ERCC6: variants seen among roughly 807,000 people sequenced by gnomAD.
ERCC6 encodes the protein ERCC excision repair 6, chromatin remodeling factor.
In ERCC6, 116 loss-of-function variants were observed where a neutral mutation model predicts 158.7. The ratio of observed to expected loss-of-function variants is 0.73; its 90% CI spans 0.63 to 0.85. The LOEUF (loss-of-function observed/expected upper bound fraction) is 0.85. Ranked by LOEUF, ERCC6 falls within the 40% of genes least tolerant of loss-of-function variation. The probability of loss-of-function intolerance (pLI) is 0.00; values close to 1 mark genes in which losing one functional copy is unlikely to be tolerated. For synonymous variants in ERCC6, 678 were observed against 659.3 expected (o/e 1.03, Z -0.43); for missense variants, 1,698 against 1,799.4 (o/e 0.94, Z 1.02).
intron 6 of ERCC6, chr10:49,505,642 G>C (rs1851430112): frequency 2.1e-6 from 1 of 482,490 alleles, no homozygotes; most frequent in African/African-American, 2.0e-5. Flanking sequence ...AGTCTGCTGA[G>C]GCAGGTCCAT....
At chr10:49,499,571 G>A (rs186853896) in intron 7 of ERCC6, among the ~76,000 whole-genome samples, 13 of 152,264 alleles carry the variant, frequency 8.5e-5, no homozygotes, top group African/African-American at 3.1e-4. Flanking sequence ...CACCCCTCTA[G>A]CAACTACCTT....
rs1233450547 is a variant in ERCC6 at position 49,483,410 on chromosome 10, A to G, written c.1928T>C (p.Val643Ala). 1 of 1,614,192 alleles carries G rather than the reference A, an allele frequency of 6.2e-7. No individual in the cohort carries two copies. Among genetic ancestry groups the G allele is most frequent in the Non-Finnish European group, 8.5e-7 (1 of 1,179,996 alleles). ...DDISRYDWHY[V>A]ILDEGHKIRN... Reference sequence around the variant, plus strand: ...AATTTTGTGTCCTTCGTCCAAGATCACATAGTGCCAGTCATACCTGCTAAT... The same window carrying G: ...AATTTTGTGTCCTTCGTCCAAGATCGCATAGTGCCAGTCATACCTGCTAAT... Residue 643 changes from valine (V) to alanine (A), a missense_variant, in exon 9 of 21, where the codon GTG becomes GCG. Coordinates refer to ENST00000355832, the MANE Select transcript of ERCC6 (RefSeq NM_000124.4).
chr10:49,476,492 C>G (rs899101810), intron 11 of ERCC6, among the ~76,000 whole-genome samples, 182 bp from the exon 12 acceptor site: 1 of 152,062 alleles, frequency 6.6e-6, no homozygotes, highest in Non-Finnish European at 1.5e-5. Flanking sequence ...GCTCACCAGC[C>G]CCTCCATCTC....
chr10:49,520,617 A>G (rs746668742), intron 5 of ERCC6, among the ~76,000 whole-genome samples: 2 of 152,158 alleles, frequency 1.3e-5, no homozygotes, highest in Non-Finnish European at 2.9e-5. Flanking sequence ...GCAAATACCT[A>G]GCATGAATGT....
intron 11 of ERCC6, among the ~76,000 whole-genome samples, chr10:49,476,563 G>C (rs4253188): frequency 2.0e-5 from 3 of 151,946 alleles, no homozygotes; most frequent in Non-Finnish European, 4.4e-5. Context: ...TCCTGCTCAC[G>C]GGCAAGTTCA....
chr10:49,527,563 T>G (rs1323909064), intron 4 of ERCC6, among the ~76,000 whole-genome samples: 1 of 152,140 alleles, frequency 6.6e-6, no homozygotes, highest in Non-Finnish European at 1.5e-5. Flanking sequence ...GTAATCCAGC[T>G]ACTTGGGAGG....
At chr10:49,440,937 G>A in the ERCC6 span, among the ~76,000 whole-genome samples, 8 of 152,182 alleles carry the variant, frequency 5.3e-5, no homozygotes, top group Non-Finnish European at 1.2e-4. Flanking sequence ...ATGGGAGGTG[G>A]TATGAGAGGT....
the ERCC6 span, among the ~76,000 whole-genome samples, chr10:49,437,277 C>T: frequency 6.6e-6 from 1 of 152,150 alleles, no homozygotes; most frequent in Non-Finnish European, 1.5e-5. Context: ...ATTACCCAGT[C>T]TCAGGTATGT....
At chr10:49,503,379 A>G (rs1054486575) in intron 6 of ERCC6, 1 of 152,190 alleles carries the variant, frequency 6.6e-6, no homozygotes, top group African/African-American at 2.4e-5. Flanking sequence ...GAAGATGAAC[A>G]GCACTAAGAA....
chr10:49,471,229 C>T, intron 16 of ERCC6, 109 bp from the exon 17 acceptor site: 1 of 1,054,986 alleles, frequency 9.5e-7, no homozygotes, highest in South Asian at 1.3e-5. Flanking sequence ...GCATGAATGG[C>T]TAAATAATCC....
intron 7 of ERCC6, among the ~76,000 whole-genome samples, chr10:49,498,292 G>A (rs1176244560): frequency 1.3e-5 from 2 of 152,018 alleles, no homozygotes; most frequent in Non-Finnish European, 2.9e-5. Context: ...TCAAATTAGG[G>A]CCCCTCTACA....
At chr10:49,515,643 A>G (rs1370788480) in intron 5 of ERCC6, 2 of 1,614,012 alleles carry the variant, frequency 1.2e-6, no homozygotes, top group Non-Finnish European at 8.5e-7. Context: ...GACCAGTTCG[A>G]AACAGAACAA....
chr10:49,512,786 T>C (rs1288039185), intron 5 of ERCC6, among the ~76,000 whole-genome samples: 1 of 152,238 alleles, frequency 6.6e-6, no homozygotes. Flanking sequence ...CAATATTTTG[T>C]GCATGAAACG....
intron 8 of ERCC6, among the ~76,000 whole-genome samples, chr10:49,485,847 AC>A (rs1248654297): frequency 1.3e-5 from 2 of 152,108 alleles, no homozygotes; most frequent in Non-Finnish European, 2.9e-5. Flanking sequence ...TTCAAACTAA[AC>A]CTAGTAACCC....
chr10:49,516,868 T>C, intron 5 of ERCC6: 1 of 1,614,162 alleles, frequency 6.2e-7, no homozygotes, highest in South Asian at 1.1e-5. Flanking sequence ...GAGTCATCTT[T>C]AGGTGCGTAT....
At chr10:49,439,217 C>A in the ERCC6 span, among the ~76,000 whole-genome samples, 2 of 152,264 alleles carry the variant, frequency 1.3e-5, no homozygotes, top group Non-Finnish European at 2.9e-5. Context: ...CCCGCCCCTG[C>A]AGCAAACTTC....
At chr10:49,464,117 T>C (rs914356738) in intron 18 of ERCC6, among the ~76,000 whole-genome samples, 1 of 152,206 alleles carries the variant, frequency 6.6e-6, no homozygotes, top group Non-Finnish European at 1.5e-5. Flanking sequence ...ACTTCTTGAA[T>C]AGCTTTGACA....
At chr10:49,529,344 T>G (rs1012362395) in intron 3 of ERCC6, among the ~76,000 whole-genome samples, 1 of 152,242 alleles carries the variant, frequency 6.6e-6, no homozygotes, top group Admixed American at 6.5e-5. Flanking sequence ...TCCCTCTGAA[T>G]AGTCTACCTC....
At chr10:49,440,340 T>G in the ERCC6 span, among the ~76,000 whole-genome samples, 1 of 152,130 alleles carries the variant, frequency 6.6e-6, no homozygotes, top group Admixed American at 6.5e-5. Context: ...GATAAACCCA[T>G]CAGATCTCGT....
Sources: allele counts gnomAD v4.1 joint callset (sites outside exome capture counted in the v4.1 genomes callset), GRCh38; gene constraint gnomAD v4.1.1; transcripts MANE v1.5; gene names NCBI Gene and HGNC (gene_info 2026-07-23, HGNC 2026-07-21).